Variants in PTPRD observed in about 807,000 individuals in gnomAD.
PTPRD encodes the protein protein tyrosine phosphatase receptor type D, also known as receptor-type tyrosine-protein phosphatase delta.
In PTPRD, 34 loss-of-function variants were observed where a neutral mutation model predicts 214.5. The observed-to-expected ratio is 0.16, with a 90% CI of 0.12 to 0.21. The LOEUF (loss-of-function observed/expected upper bound fraction) is 0.21. Among genes scored for constraint, PTPRD ranks in the 10% least tolerant of loss-of-function variants. PTPRD has a pLI of 1.00. For synonymous variants in PTPRD, 1,128 were observed against 845.7 expected (o/e 1.33, Z -5.79); for missense variants, 2,545 against 2,398.7 (o/e 1.06, Z -1.27).
At chr9:9,260,357 G>A (rs1402548397) in intron 9 of PTPRD, among the ~76,000 whole-genome samples, 1 of 151,788 alleles carries the variant, frequency 6.6e-6, no homozygotes, top group African/African-American at 2.4e-5. Context: ...CATGATTCAA[G>A]TAGAAAACCG....
intron 30 of PTPRD, among the ~76,000 whole-genome samples, chr9:8,477,128 A>T (rs557509796): frequency 2.6e-5 from 4 of 152,266 alleles, no homozygotes; most frequent in African/African-American, 9.6e-5. Context: ...AATGAAAAAA[A>T]AAAAAATAAA....
At chr9:8,614,410 T>G (rs569982598) in intron 14 of PTPRD, among the ~76,000 whole-genome samples, 1 of 152,286 alleles carries the variant, frequency 6.6e-6, no homozygotes, top group Admixed American at 6.5e-5. Flanking sequence ...ATAGGTTTAT[T>G]CATAGTAAAA....
intron 14 of PTPRD, among the ~76,000 whole-genome samples, chr9:8,586,908 G>C (rs1474783426): frequency 6.6e-6 from 1 of 152,236 alleles, no homozygotes; most frequent in Admixed American, 6.5e-5. Context: ...AGCACTTTGG[G>C]AGACTGAGGT....
At chr9:9,130,956 T>A (rs372333369) in intron 10 of PTPRD, among the ~76,000 whole-genome samples, 90 of 152,312 alleles carry the variant, frequency 5.9e-4, no homozygotes, top group African/African-American at 2.2e-3. Flanking sequence ...ACTAATTCTA[T>A]CTTCATTTCC....
intron 4 of PTPRD, among the ~76,000 whole-genome samples, chr9:10,023,028 C>T (rs1389635897): frequency 2.0e-5 from 3 of 151,958 alleles, no homozygotes; most frequent in Non-Finnish European, 2.9e-5. Flanking sequence ...ATTCTTTGTC[C>T]AACTGTTAAA....
intron 25 of PTPRD, 53 bp from the exon 26 acceptor site, chr9:8,497,321 T>G: frequency 2.0e-6 from 3 of 1,493,724 alleles, no homozygotes; most frequent in South Asian, 2.5e-5. Context: ...GAAAAAGAAT[T>G]TAAAGCCTTA....
Position 8,792,320 on chromosome 9 carries a change from G to A in PTPRD, c.-103-58374C>T, listed in dbSNP as rs547275610. On this transcript the variant is annotated intron_variant, in intron 11 of 45. Transcript: ENST00000381196. ...AAAATGAAACTGAAAGTCATCCATA[G>A]GGGAAATGAGTTCCAGAACATACGC... Among the ~76,000 whole-genome samples the A allele has an allele frequency of 2.0e-5, 3 of 152,286 alleles. No individual in the cohort carries two copies. The South Asian group carries it at 6.2e-4, about 32-fold the overall frequency.
intron 10 of PTPRD, among the ~76,000 whole-genome samples, chr9:9,053,283 T>C (rs967244173): frequency 6.6e-6 from 1 of 152,098 alleles, no homozygotes; most frequent in Non-Finnish European, 1.5e-5. Context: ...CTTAGGAATA[T>C]CACATGATAT....
intron 39 of PTPRD, among the ~76,000 whole-genome samples, chr9:8,373,174 A>G (rs1194479397): frequency 1.3e-5 from 2 of 151,982 alleles, no homozygotes; most frequent in Non-Finnish European, 2.9e-5. Context: ...TGCTACACGG[A>G]TAACTGTCAT....
At chr9:9,522,288 T>A (rs1347820277) in intron 8 of PTPRD, among the ~76,000 whole-genome samples, 1 of 152,098 alleles carries the variant, frequency 6.6e-6, no homozygotes, top group African/African-American at 2.4e-5. Flanking sequence ...TTGACTAGTA[T>A]ACAAATTACC....
intron 11 of PTPRD, among the ~76,000 whole-genome samples, chr9:8,759,037 T>C (rs1479341541): frequency 6.6e-6 from 1 of 151,560 alleles, no homozygotes; most frequent in Non-Finnish European, 1.5e-5. Flanking sequence ...TTTGGGTTTT[T>C]TTTTTTTTAG....
chr9:8,925,343 G>A (rs1263968757), intron 11 of PTPRD, among the ~76,000 whole-genome samples: 1 of 151,918 alleles, frequency 6.6e-6, no homozygotes, highest in Non-Finnish European at 1.5e-5. Flanking sequence ...GCAGGGGAAG[G>A]TACATTCTCC....
At chr9:9,207,307 T>G (rs1328935625) in intron 9 of PTPRD, among the ~76,000 whole-genome samples, 1 of 152,182 alleles carries the variant, frequency 6.6e-6, no homozygotes, top group Non-Finnish European at 1.5e-5. Flanking sequence ...AGTAGATAGT[T>G]GGACATAAGA....
At chr9:8,904,740 G>A (rs568865923) in intron 11 of PTPRD, among the ~76,000 whole-genome samples, 2 of 150,444 alleles carry the variant, frequency 1.3e-5, no homozygotes, top group South Asian at 2.1e-4. Flanking sequence ...ACACATAATC[G>A]TATATTACTG....
At chr9:10,239,968 T>C (rs1380278882) in intron 3 of PTPRD, among the ~76,000 whole-genome samples, 5 of 151,830 alleles carry the variant, frequency 3.3e-5, no homozygotes, top group Admixed American at 2.0e-4. Flanking sequence ...TGAGTCACGA[T>C]TGGCCATTAA....
At chr9:8,924,878 A>T (rs1270841469) in intron 11 of PTPRD, among the ~76,000 whole-genome samples, 1 of 152,164 alleles carries the variant, frequency 6.6e-6, no homozygotes, top group Non-Finnish European at 1.5e-5. Flanking sequence ...GAAATTTCAA[A>T]AAGCTGGGTA....
chr9:10,003,714 A>G (rs1166971519), intron 4 of PTPRD, among the ~76,000 whole-genome samples: 1 of 151,790 alleles, frequency 6.6e-6, no homozygotes, highest in African/African-American at 2.4e-5. Context: ...TTTAATGATA[A>G]TATAGCCATT....
At chr9:9,864,329 TAAAA>T (rs200587462) in intron 5 of PTPRD, among the ~76,000 whole-genome samples, 1 of 135,234 alleles carries the variant, frequency 7.4e-6, no homozygotes, top group Non-Finnish European at 1.6e-5. Context: ...AGAGAAAGAT[TAAAA>T]AAAAAAAAAG....
In PTPRD at chr9:10,509,557, T is replaced by TTATATATATATATATATATATATATATA. The variant is rs3076461; in HGVS notation, c.-600+102840_-600+102841insTATATATATATATATATATATATATATA. The stretch of plus-strand genomic sequence containing the variant: ...TAAATATATTTACATTTAATAAATA[T>TTATATATATATATATATATATATATATA]TATATATATATATATATATATATTT... On this transcript the variant is annotated intron_variant, in intron 2 of 45. Coordinates refer to ENST00000381196, the MANE Select transcript of PTPRD (RefSeq NM_002839.4). Among the ~76,000 whole-genome samples, 731 of 106,358 alleles carry TTATATATATATATATATATATATATATA rather than the reference T, an allele frequency of 6.9e-3. 18 individuals carry two copies. Among genetic ancestry groups the TTATATATATATATATATATATATATATA allele is most frequent in the South Asian group, 0.01 (31 of 3,054 alleles). 69.8% of individuals were successfully genotyped at this position (106,358 alleles called of 152,430 possible).
Sources: allele counts gnomAD v4.1 joint callset (sites outside exome capture counted in the v4.1 genomes callset), GRCh38; gene constraint gnomAD v4.1.1; transcripts MANE v1.5; gene names NCBI Gene and HGNC (gene_info 2026-07-23, HGNC 2026-07-21).